Variants in CDH18 observed in about 807,000 individuals in gnomAD.
CDH18 encodes the protein cadherin 18.
Under a neutral mutation model 67.9 loss-of-function variants are expected in CDH18, and 31 were observed. The ratio of observed to expected loss-of-function variants is 0.46; its 90% CI spans 0.34 to 0.62. The LOEUF is 0.62. CDH18 is among the 20% of genes least tolerant of loss of function. The probability of loss-of-function intolerance (pLI) is 0.01; values close to 1 mark genes in which losing one functional copy is unlikely to be tolerated. For synonymous variants in CDH18, 362 were observed against 347.2 expected, an observed-to-expected ratio of 1.04 and a Z score of -0.48; for missense variants, 890 against 975.5, an observed-to-expected ratio of 0.91 and a Z score of 1.17.
At chr5:20,494,513 T>C (rs1282001513) in intron 1 of CDH18, among the ~76,000 whole-genome samples, 1 of 152,166 alleles carries the variant, frequency 6.6e-6, no homozygotes, top group Non-Finnish European at 1.5e-5. Flanking sequence ...CTCAAAACTG[T>C]CTGAAAAAGT....
chr5:19,844,942 T>C (rs1782754290), intron 2 of CDH18, among the ~76,000 whole-genome samples: 1 of 152,208 alleles, frequency 6.6e-6, no homozygotes. Context: ...TTGCTTTTTA[T>C]GCCCAGAATT....
At chr5:20,251,952 A>T (rs1743890938) in intron 2 of CDH18, among the ~76,000 whole-genome samples, 1 of 152,184 alleles carries the variant, frequency 6.6e-6, no homozygotes, top group Non-Finnish European at 1.5e-5. Flanking sequence ...ACTATATAGA[A>T]TATGCGTGAT....
At chr5:20,525,963 A>G (rs1378833546) in intron 1 of CDH18, among the ~76,000 whole-genome samples, 1 of 152,130 alleles carries the variant, frequency 6.6e-6, no homozygotes, top group African/African-American at 2.4e-5. Flanking sequence ...CTTGTTTGAC[A>G]ATGAGAGTAG....
intron 1 of CDH18, among the ~76,000 whole-genome samples, chr5:20,309,513 A>G (rs1736801722): frequency 6.6e-6 from 1 of 152,246 alleles, no homozygotes. Context: ...ATGTGACATG[A>G]TAATTTAATT....
chr5:20,532,764 T>G (rs1756483693), intron 1 of CDH18, among the ~76,000 whole-genome samples: 1 of 152,122 alleles, frequency 6.6e-6, no homozygotes, highest in African/African-American at 2.4e-5. Flanking sequence ...TTCTGGAAAT[T>G]CTTCCAATAG....
chr5:19,823,775 A>C (rs1174020841), intron 3 of CDH18, among the ~76,000 whole-genome samples: 1 of 152,152 alleles, frequency 6.6e-6, no homozygotes, highest in Non-Finnish European at 1.5e-5. Flanking sequence ...CAGAATACAC[A>C]TTCTTCTGGT....
intron 2 of CDH18, among the ~76,000 whole-genome samples, chr5:20,033,716 A>G (rs1357562896): frequency 6.6e-6 from 1 of 152,046 alleles, no homozygotes; most frequent in Non-Finnish European, 1.5e-5. Flanking sequence ...TTGGCAAACA[A>G]TATGCATAAG....
Position 19,496,811 on chromosome 5 carries a change from C to CAAAA in CDH18, c.1630+6177_1630+6180dup, listed in dbSNP as rs777601146. On this transcript the variant is annotated intron_variant, in intron 11 of 12. Transcript: ENST00000382275. ...TAGGCAACAGAGTGAGACTCCATCTCAAAAAAAAAAAAAAAAAAAAGGCTT... is the reference window on the plus strand; with the variant it reads ...TAGGCAACAGAGTGAGACTCCATCTCAAAAAAAAAAAAAAAAAAAAAAAAGGCTT... Among the ~76,000 whole-genome samples, 196 of 75,052 alleles carry CAAAA rather than the reference C, an allele frequency of 2.6e-3. 1 individual carries two copies. The highest frequency in any genetic ancestry group is 0.016 in the Middle Eastern group (2 of 122). 49.2% of individuals were successfully genotyped at this position (75,052 alleles called of 152,430 possible). A position where few individuals can be genotyped will look rare whatever the true frequency, so the allele number is the denominator to read the frequency against.
chr5:19,694,887 A>AAT (rs397771463), intron 5 of CDH18, among the ~76,000 whole-genome samples: 3 of 146,482 alleles, frequency 2.0e-5, no homozygotes, highest in Admixed American at 6.9e-5. Flanking sequence ...AAAAAAAAAA[A>AAT]GATAAGGTTA....
chr5:20,126,608 A>G (rs1748850711), intron 2 of CDH18, among the ~76,000 whole-genome samples: 2 of 152,302 alleles, frequency 1.3e-5, no homozygotes, highest in Admixed American at 1.3e-4. Flanking sequence ...AGTCTTTTCC[A>G]ATTTGATAAC....
intron 2 of CDH18, among the ~76,000 whole-genome samples, chr5:20,172,222 A>ATATACGTATATATATATATACG (rs1561848652): frequency 2.5e-5 from 1 of 39,670 alleles, no homozygotes; most frequent in Non-Finnish European, 5.3e-5. Context: ...ATATATATAT[A>ATATACGTATATATATATATACG]TGTATATATA....
Position 19,475,727 on chromosome 5 carries a change from T to C in CDH18, c.1883-2011A>G, listed in dbSNP as rs1028445324. On this transcript the variant is annotated intron_variant, in intron 12 of 12. Coordinates refer to ENST00000382275, the MANE Select transcript of CDH18 (RefSeq NM_004934.5). ...ACATACCTATATACAGATATAGATA[T>C]ATTTCTTATTTATCTGAAATTCACA... Among the ~76,000 whole-genome samples the C allele has an allele frequency of 3.9e-5, 6 of 152,168 alleles. No individual in the cohort carries two copies. The East Asian group carries it at 1.2e-3, about 29-fold the overall frequency.
At chr5:20,200,351 A>G (rs1739350665) in intron 2 of CDH18, among the ~76,000 whole-genome samples, 1 of 152,156 alleles carries the variant, frequency 6.6e-6, no homozygotes, top group Non-Finnish European at 1.5e-5. Context: ...GGGATTTAAT[A>G]CATAGTATCA....
Position 20,506,561 on chromosome 5 carries a change from G to A in CDH18, c.-580+68901C>T, listed in dbSNP as rs1754673521. On this transcript the variant is annotated intron_variant, in intron 1 of 14. Transcript: ENST00000507958. ...AAGTGGGGATGCAGATCCTACCCCAGTTGAGCCTCCAGATGAGAATCCAGT... is the reference window on the plus strand; with the variant it reads ...AAGTGGGGATGCAGATCCTACCCCAATTGAGCCTCCAGATGAGAATCCAGT... Among the ~76,000 whole-genome samples the A allele has an allele frequency of 3.3e-5, 5 of 152,152 alleles. No homozygotes were observed. The South Asian group carries it at 1.0e-3, about 31-fold the overall frequency.
At chr5:19,480,620 G>T (rs747804480) in intron 12 of CDH18, among the ~76,000 whole-genome samples, 1 of 151,994 alleles carries the variant, frequency 6.6e-6, no homozygotes, top group Admixed American at 6.6e-5. Context: ...CTCGTGATGC[G>T]CCCACCTCAG....
intron 2 of CDH18, among the ~76,000 whole-genome samples, chr5:20,039,563 C>A (rs1234715242): frequency 6.6e-6 from 1 of 152,268 alleles, no homozygotes; most frequent in African/African-American, 2.4e-5. Flanking sequence ...ATGATCTGAT[C>A]TTTGACAAAC....
At chr5:20,234,401 T>G (rs929410027) in intron 2 of CDH18, among the ~76,000 whole-genome samples, 7 of 151,918 alleles carry the variant, frequency 4.6e-5, no homozygotes, top group African/African-American at 1.7e-4. Context: ...AAACGATGCA[T>G]TTTTTATAAT....
chr5:19,927,357 G>T (rs1508628), intron 2 of CDH18, among the ~76,000 whole-genome samples: 47 of 152,078 alleles, frequency 3.1e-4, no homozygotes, highest in African/African-American at 9.2e-4. Flanking sequence ...TACTCTATGA[G>T]GTAGTTTTGA....
chr5:20,483,017 GA>G (rs1752922259), intron 1 of CDH18, among the ~76,000 whole-genome samples: 2 of 151,882 alleles, frequency 1.3e-5, no homozygotes, highest in African/African-American at 4.8e-5. Flanking sequence ...ATTATATTTA[GA>G]AAAACCTAAA....
Sources: gnomAD v4.1 joint callset for allele counts (sites outside exome capture counted in the v4.1 genomes callset) on GRCh38, gnomAD v4.1.1 for gene constraint, MANE v1.5 for transcripts, NCBI Gene and HGNC (gene_info 2026-07-23, HGNC 2026-07-21) for gene names.